MBNL2: variants seen among roughly 807,000 people sequenced by gnomAD.
MBNL2 encodes the protein muscleblind-like protein 2.
Under a neutral mutation model 41.9 loss-of-function variants are expected in MBNL2, and 17 were observed. The observed-to-expected ratio is 0.41, with a 90% CI of 0.28 to 0.61. The LOEUF (loss-of-function observed/expected upper bound fraction) is 0.61, where lower values mean the gene tolerates loss of function less well. Among genes scored for constraint, MBNL2 ranks in the 20% least tolerant of loss-of-function variants. The pLI is 0.35. For synonymous variants in MBNL2, 195 were observed against 182.9 expected, an observed-to-expected ratio of 1.07 and a Z score of -0.53; for missense variants, 336 against 505.6, an observed-to-expected ratio of 0.66 and a Z score of 3.22.
rs534899425 is a variant in MBNL2, at chr13:97,268,979, G to A, written c.-604-6653G>A. On this transcript the variant is annotated intron_variant, in intron 1 of 8. Transcript: ENST00000679496. The surrounding 1 kb of genome is among the most constrained non-coding windows in gnomAD (Gnocchi z 4.6). ...TGTTCCGGATGCAGGCCCGTGAGGAGGGCCTGCCGGAGGGTGGCTCAGCTG... is the reference window on the plus strand; with the variant it reads ...TGTTCCGGATGCAGGCCCGTGAGGAAGGCCTGCCGGAGGGTGGCTCAGCTG... 2.6e-5 allele frequency among the ~76,000 whole-genome samples: 4 copies of A among 152,338 alleles called. No individual in the cohort carries two copies. In the South Asian group the frequency reaches 8.3e-4, roughly 32 times the overall value.
intron 1 of MBNL2, among the ~76,000 whole-genome samples, chr13:97,258,211 T>G (rs1298531159): frequency 2.2e-5 from 3 of 134,094 alleles, no homozygotes; most frequent in Non-Finnish European, 4.8e-5. Flanking sequence ...GTTGCCAGGG[T>G]TTTTTTTTTT....
chr13:97,278,251 CAAAAAAA>C (rs10606011), intron 2 of MBNL2, among the ~76,000 whole-genome samples: 5 of 40,526 alleles, frequency 1.2e-4, no homozygotes, highest in African/African-American at 4.5e-4. Context: ...GAGACTGTCT[CAAAAAAA>C]AAAAAAAAAA....
chr13:97,283,048 T>G (rs2053742829), intron 2 of MBNL2, among the ~76,000 whole-genome samples: 1 of 152,214 alleles, frequency 6.6e-6, no homozygotes. Flanking sequence ...TCCGTTTCAT[T>G]TTGCAGATTT....
chr13:97,375,021 C>G (rs1364111858), intron 8 of MBNL2, among the ~76,000 whole-genome samples: 2 of 152,156 alleles, frequency 1.3e-5, no homozygotes, highest in African/African-American at 4.8e-5. Context: ...CCAAGCTCTG[C>G]CCCCGATGCC....
chr13:97,363,067 A>C (rs1243870687), intron 7 of MBNL2: 3 of 152,294 alleles, frequency 2.0e-5, no homozygotes, highest in Admixed American at 6.5e-5. Flanking sequence ...AGATCAGACA[A>C]GATCTGGCGC....
At chr13:97,314,902 C>A (rs1479690805) in intron 2 of MBNL2, among the ~76,000 whole-genome samples, 1 of 152,134 alleles carries the variant, frequency 6.6e-6, no homozygotes, top group Non-Finnish European at 1.5e-5. Context: ...CTGGCCTTAG[C>A]TCACTCAATA....
At chr13:97,288,555 C>A (rs940670711) in intron 2 of MBNL2, among the ~76,000 whole-genome samples, 2 of 152,190 alleles carry the variant, frequency 1.3e-5, no homozygotes, top group African/African-American at 2.4e-5. Context: ...AAGGTCTAAA[C>A]AAAGGCCAGC....
At chr13:97,288,551 TA>T (rs1360619267) in intron 2 of MBNL2, among the ~76,000 whole-genome samples, 2 of 152,220 alleles carry the variant, frequency 1.3e-5, no homozygotes, top group East Asian at 3.8e-4. Flanking sequence ...TGCCAAGGTC[TA>T]AACAAAGGCC....
chr13:97,318,652 G>A (rs1373079211), intron 2 of MBNL2, among the ~76,000 whole-genome samples: 1 of 152,190 alleles, frequency 6.6e-6, no homozygotes, highest in Non-Finnish European at 1.5e-5. Flanking sequence ...CATTTGACTA[G>A]CAGTTTCTGG....
At chr13:97,348,396 A>G (rs1165041999) in intron 5 of MBNL2, among the ~76,000 whole-genome samples, 1 of 152,078 alleles carries the variant, frequency 6.6e-6, no homozygotes, top group African/African-American at 2.4e-5. Flanking sequence ...AGGTGATTCC[A>G]ATGCATCGCA....
At chr13:97,356,148 A>T (rs2062961897) in intron 5 of MBNL2, among the ~76,000 whole-genome samples, 1 of 152,210 alleles carries the variant, frequency 6.6e-6, no homozygotes. Context: ...CAGAGTGAAG[A>T]CAAGAATTGA....
At chr13:97,352,863 A>G (rs1384382463) in intron 5 of MBNL2, among the ~76,000 whole-genome samples, 4 of 152,224 alleles carry the variant, frequency 2.6e-5, no homozygotes, top group African/African-American at 7.2e-5. Flanking sequence ...TGTTTCCTCA[A>G]TGGACCAGTT....
the MBNL2 span, among the ~76,000 whole-genome samples, chr13:97,181,792 C>A: frequency 6.6e-6 from 1 of 151,884 alleles, no homozygotes; most frequent in Non-Finnish European, 1.5e-5. Context: ...CCTCAATACA[C>A]AGAATACAAA....
At chr13:97,158,518 C>T in the MBNL2 span, among the ~76,000 whole-genome samples, 9 of 151,826 alleles carry the variant, frequency 5.9e-5, no homozygotes, top group Admixed American at 5.2e-4. Flanking sequence ...TTCCTGCTTT[C>T]TCTTGTGGGC....
At chr13:97,360,414 CTTT>C (rs901181404) in intron 7 of MBNL2, among the ~76,000 whole-genome samples, 8 of 151,212 alleles carry the variant, frequency 5.3e-5, no homozygotes, top group Non-Finnish European at 8.9e-5. Context: ...TGGGAGTTTT[CTTT>C]TTTTTTCTTT....
intron 5 of MBNL2, among the ~76,000 whole-genome samples, chr13:97,352,452 G>A (rs1028316570): frequency 6.6e-6 from 1 of 152,176 alleles, no homozygotes; most frequent in African/African-American, 2.4e-5. Flanking sequence ...GCCTGAGGAA[G>A]GAGAGAGAGG....
At chr13:97,390,775 G>A (rs2066337928) in intron 8 of MBNL2, among the ~76,000 whole-genome samples, 1 of 152,124 alleles carries the variant, frequency 6.6e-6, no homozygotes, top group Non-Finnish European at 1.5e-5. Context: ...AATATACCTT[G>A]AATTTGAACT....
At chr13:97,336,185 T>A (rs1295095714) in intron 3 of MBNL2, among the ~76,000 whole-genome samples, 2 of 152,250 alleles carry the variant, frequency 1.3e-5, no homozygotes, top group African/African-American at 4.8e-5. Flanking sequence ...AAGCTCATAA[T>A]CACCATTTCT....
chr13:97,337,710 T>C (rs922770302), intron 3 of MBNL2, among the ~76,000 whole-genome samples: 5 of 152,184 alleles, frequency 3.3e-5, no homozygotes, highest in African/African-American at 9.7e-5. Context: ...AATGGTACTA[T>C]CAACTGGCAA....
Sources: gnomAD v4.1 joint callset for allele counts (sites outside exome capture counted in the v4.1 genomes callset) on GRCh38, gnomAD v4.1.1 for gene constraint, Gnocchi (gnomAD v3.1) non-coding constraint, MANE v1.5 for transcripts, NCBI Gene and HGNC (gene_info 2026-07-23, HGNC 2026-07-21) for gene names.